Variants in FARP1 observed in about 807,000 individuals in gnomAD.
The protein encoded by FARP1 is FERM, ARH/RhoGEF and pleckstrin domain protein 1, also known as FERM, ARHGEF and pleckstrin domain-containing protein 1.
A neutral mutation model predicts 128.8 loss-of-function variants in FARP1; 52 were observed. The ratio of observed to expected loss-of-function variants is 0.40; its 90% CI spans 0.32 to 0.51. FARP1 has a LOEUF of 0.51. Among genes scored for constraint, FARP1 ranks in the 20% least tolerant of loss-of-function variants. The probability of loss-of-function intolerance (pLI) is 0.45; values close to 1 mark genes in which losing one functional copy is unlikely to be tolerated. For missense variants in FARP1, 1,333 were observed against 1,367.9 expected, an observed-to-expected ratio of 0.97 and a Z score of 0.40; for synonymous variants, 580 against 551.8, an observed-to-expected ratio of 1.05 and a Z score of -0.72.
chr13:98,304,088 A>T (rs1266481584), intron 2 of FARP1, among the ~76,000 whole-genome samples: 2 of 152,178 alleles, frequency 1.3e-5, no homozygotes, highest in Non-Finnish European at 2.9e-5. Context: ...GCTGAGAGTC[A>T]CTTCAGGCCT....
intron 2 of FARP1, among the ~76,000 whole-genome samples, chr13:98,247,391 A>G (rs1253189060): frequency 6.6e-6 from 1 of 152,132 alleles, no homozygotes; most frequent in Non-Finnish European, 1.5e-5. Flanking sequence ...GAGTTCTTTA[A>G]CTGCCCTTTA....
intron 13 of FARP1, 188 bp downstream of exon 13, chr13:98,395,664 G>GGAGGAGGGGCGAAGA (rs1890504721): frequency 1.5e-6 from 1 of 679,174 alleles, no homozygotes; most frequent in South Asian, 2.9e-5. Flanking sequence ...TGCTGTCCAG[G>GGAGGAGGGGCGAAGA]GAGGAGGGGC....
rs574384041 is a variant in FARP1, at chr13:98,252,293, A to C, written c.171+38880A>C. ...TCAGACTTCCTGACTATTCAATGTGAGACTCATAAGACTAAAAGAATATCA... is the reference window on the plus strand; with the variant it reads ...TCAGACTTCCTGACTATTCAATGTGCGACTCATAAGACTAAAAGAATATCA... On this transcript the variant is annotated intron_variant, in intron 2 of 26. Coordinates refer to ENST00000319562, the MANE Select transcript of FARP1 (RefSeq NM_005766.4). 6.4e-4 allele frequency among the ~76,000 whole-genome samples: 98 copies of C among 152,360 alleles called. 1 individual carries two copies. The highest frequency in any genetic ancestry group is 3.4e-3 in the Middle Eastern group (1 of 294).
chr13:98,273,439 G>A (rs1441183656), intron 2 of FARP1, among the ~76,000 whole-genome samples: 3 of 152,170 alleles, frequency 2.0e-5, no homozygotes, highest in African/African-American at 2.4e-5. Flanking sequence ...CCAAAAGGGA[G>A]GGGATGTAAC....
intron 1 of FARP1, among the ~76,000 whole-genome samples, chr13:98,169,023 CTG>C (rs1211168643): frequency 6.6e-6 from 1 of 152,194 alleles, no homozygotes; most frequent in East Asian, 1.9e-4. Flanking sequence ...TCTTCAAAAA[CTG>C]TTTTTTTTTG....
rs1274917349 is a variant in FARP1, at chr13:98,379,080, GTAATCTATATATAATATATATATAATATA to G, written c.496+1243_496+1271del. ...ATATAATATATAATATATGTAATATGTAATCTATATATAATATATATATAATATATAATCTATATATAATATATATATAA... is the reference window on the plus strand; with the variant it reads ...ATATAATATATAATATATGTAATATGTAATCTATATATAATATATATATAA... On this transcript the variant is annotated intron_variant, in intron 6 of 26. Transcript: ENST00000319562. Among the ~76,000 whole-genome samples the G allele has an allele frequency of 8.7e-4, 44 of 50,804 alleles. 2 individuals carry two copies. The highest frequency in any genetic ancestry group is 3.1e-3 in the South Asian group (5 of 1,630). The allele number at this position is 50,804 out of a possible 152,430, so 33.3% of individuals were successfully genotyped here.
intron 2 of FARP1, among the ~76,000 whole-genome samples, chr13:98,304,449 C>T (rs1376859176): frequency 1.3e-5 from 2 of 152,198 alleles, no homozygotes; most frequent in Non-Finnish European, 2.9e-5. Flanking sequence ...CAGACATGTA[C>T]TCCTTGGGGT....
chr13:98,313,668 C>T lies in FARP1; in HGVS notation c.172-30094C>T, dbSNP rs571679417. Among the ~76,000 whole-genome samples, 80 of 152,344 alleles carry T rather than the reference C, an allele frequency of 5.3e-4. 1 individual carries two copies. The highest frequency in any genetic ancestry group is 1.9e-3 in the African/African-American group (78 of 41,582). The stretch of plus-strand genomic sequence containing the variant: ...TCTCTATGATAGCTAAGGCTCCCCT[C>T]GCAGCCCCAGCTGAAAGATTTTTGC... On this transcript the variant is annotated intron_variant, in intron 2 of 26. Coordinates refer to ENST00000319562, the MANE Select transcript of FARP1 (RefSeq NM_005766.4).
chr13:98,441,636 G>C (rs917164884), intron 24 of FARP1, among the ~76,000 whole-genome samples: 4 of 152,226 alleles, frequency 2.6e-5, no homozygotes, highest in African/African-American at 9.6e-5. Flanking sequence ...GGGCCAGGGA[G>C]TAAGTTTATA....
At chr13:98,272,254 T>C (rs1884426249) in intron 2 of FARP1, among the ~76,000 whole-genome samples, 2 of 152,120 alleles carry the variant, frequency 1.3e-5, no homozygotes, top group Non-Finnish European at 2.9e-5. Context: ...TGCCTTGAAC[T>C]CCTGAGCTCA....
chr13:98,400,880 A>T (rs999735677), intron 13 of FARP1: 3 of 152,200 alleles, frequency 2.0e-5, no homozygotes, highest in African/African-American at 7.2e-5. Context: ...GTAACAGAGC[A>T]AGTTTCTTTG....
intron 2 of FARP1, among the ~76,000 whole-genome samples, chr13:98,255,238 G>A (rs1883526648): frequency 6.6e-6 from 1 of 152,168 alleles, no homozygotes; most frequent in East Asian, 1.9e-4. Context: ...GGTGGCTCAC[G>A]CCTGTAATCC....
intron 1 of FARP1, among the ~76,000 whole-genome samples, chr13:98,161,299 T>A (rs1234010426): frequency 6.7e-6 from 1 of 149,716 alleles, no homozygotes; most frequent in Non-Finnish European, 1.5e-5. Context: ...CACTGCAACC[T>A]CCATCTCCTG....
chr13:98,352,455 T>C (rs1397511596), intron 3 of FARP1, among the ~76,000 whole-genome samples: 1 of 151,892 alleles, frequency 6.6e-6, no homozygotes, highest in Non-Finnish European at 1.5e-5. Context: ...TGGAACTGAG[T>C]TGGGACAACA....
At chr13:98,198,170 T>C (rs1879696465) in intron 1 of FARP1, among the ~76,000 whole-genome samples, 1 of 152,192 alleles carries the variant, frequency 6.6e-6, no homozygotes, top group Non-Finnish European at 1.5e-5. Context: ...CCAGAGGCTA[T>C]AAAGGGGCTT....
At chr13:98,351,770 G>A (rs960541392) in intron 3 of FARP1, among the ~76,000 whole-genome samples, 2 of 152,074 alleles carry the variant, frequency 1.3e-5, no homozygotes, top group African/African-American at 4.8e-5. Flanking sequence ...GCAATTGGGG[G>A]TGGGGAGGCA....
chr13:98,257,703 G>A (rs1473325229), intron 2 of FARP1, among the ~76,000 whole-genome samples: 6 of 152,118 alleles, frequency 3.9e-5, no homozygotes, highest in African/African-American at 1.2e-4. Flanking sequence ...CCTGGAGGCG[G>A]AGGTTGTAGT....
In FARP1 at chr13:98,450,721, G is replaced by A. The variant is rs1893148552; in HGVS notation, c.*2404G>A. ...AAACCCGTCTCAAAGGCTGGGCCTG[G>A]CTACAGACCAGCAGCAGTTGACGCT... On this transcript the variant is annotated 3_prime_UTR_variant, in exon 27 of 27. Coordinates refer to ENST00000319562, the MANE Select transcript of FARP1 (RefSeq NM_005766.4). The A allele has an allele frequency of 1.3e-5, 2 of 152,412 alleles. No homozygotes were observed. Among genetic ancestry groups the A allele is most frequent in the South Asian group, 4.1e-4 (2 of 4,832 alleles). The allele number at this position is 152,412 out of a possible 1,614,324, so 9.4% of individuals were successfully genotyped here. A position where few individuals can be genotyped will look rare whatever the true frequency, so the allele number is the denominator to read the frequency against.
intron 2 of FARP1, among the ~76,000 whole-genome samples, chr13:98,306,682 CTTTTTT>C (rs10605968): frequency 0.36 from 54,142 of 151,086 alleles, 9,995 homozygotes; most frequent in Middle Eastern, 0.48. Flanking sequence ...ACCCGGCTAA[CTTTTTT>C]TTTTATTTCA....
Sources: allele counts gnomAD v4.1 joint callset (sites outside exome capture counted in the v4.1 genomes callset), GRCh38; gene constraint gnomAD v4.1.1; transcripts MANE v1.5; gene names NCBI Gene and HGNC (gene_info 2026-07-23, HGNC 2026-07-21).